ZNF569: variants seen among roughly 807,000 people sequenced by gnomAD.
The protein encoded by ZNF569 is zinc finger protein 569, also known as DNA-binding protein.
ZNF569 carries 38 observed loss-of-function variants against 56.3 expected under a neutral mutation model. That is an observed-to-expected ratio of 0.68 (90% CI 0.52 to 0.88). The LOEUF is 0.88. Among genes scored for constraint, ZNF569 ranks in the 40% least tolerant of loss-of-function variants. ZNF569 has a pLI of 0.00. For missense variants in ZNF569, 666 were observed against 809.2 expected (o/e 0.82, Z 2.15); for synonymous variants, 241 against 262.9 (o/e 0.92, Z 0.81).
chr19:37,467,847 T>G (rs562763187), upstream of ZNF569: 1 of 1,534,888 alleles, frequency 6.5e-7, no homozygotes, highest in South Asian at 1.2e-5. Flanking sequence ...CGTTTTATAT[T>G]CTCGTGGCTG....
chr19:37,457,787 G>GT (rs1385413553), intron 2 of ZNF569, among the ~76,000 whole-genome samples: 1 of 152,082 alleles, frequency 6.6e-6, no homozygotes, highest in Non-Finnish European at 1.5e-5. Context: ...GTATACATAT[G>GT]TAACAAACCT....
chr19:37,414,203 C>T lies in ZNF569; in HGVS notation c.455G>A (p.Cys152Tyr), dbSNP rs148474590. Residue 152 changes from cysteine to tyrosine, a missense_variant, in exon 6 of 6, where the codon TGT (cysteine) becomes TAT (tyrosine). Coordinates refer to ENST00000316950, the MANE Select transcript of ZNF569 (RefSeq NM_152484.3). ...FGKCLEHNFDCHNNVKCLMRK... is the reference protein window; with the variant it reads ...FGKCLEHNFDYHNNVKCLMRK... Reference sequence around the variant, plus strand: ...CATAAGGCATTTCACATTATTATGACAGTCAAAATTATGTTCTAAACACTT... The same window carrying T: ...CATAAGGCATTTCACATTATTATGATAGTCAAAATTATGTTCTAAACACTT... 4.3e-6 allele frequency: 7 copies of T among 1,612,972 alleles called. No homozygotes were observed. The highest frequency in any genetic ancestry group is 2.2e-5 in the East Asian group (1 of 44,820).
intron 2 of ZNF569, among the ~76,000 whole-genome samples, chr19:37,448,145 A>G (rs952622355): frequency 3.9e-5 from 6 of 152,210 alleles, no homozygotes; most frequent in Non-Finnish European, 5.9e-5. Context: ...AAGTTTGTAT[A>G]GAATCATTAG....
chr19:37,454,471 G>A (rs2041641562), intron 2 of ZNF569, among the ~76,000 whole-genome samples: 1 of 152,036 alleles, frequency 6.6e-6, no homozygotes, highest in African/African-American at 2.4e-5. Context: ...GCTAGTCCTA[G>A]AGCATATTCC....
At chr19:37,461,368 G>A (rs373119837) in intron 2 of ZNF569, among the ~76,000 whole-genome samples, 2 of 149,604 alleles carry the variant, frequency 1.3e-5, no homozygotes, top group African/African-American at 5.0e-5. Flanking sequence ...GTACAATGGC[G>A]TGATCTTGGC....
chr19:37,466,648 A>C (rs1413988901), intron 1 of ZNF569: 3 of 152,288 alleles, frequency 2.0e-5, no homozygotes, highest in Non-Finnish European at 2.9e-5. Context: ...AAAACAAAAA[A>C]ACAACGTATT....
chr19:37,426,075 CG>C, intron 4 of ZNF569, 112 bp from the exon 5 acceptor site: 1 of 1,346,692 alleles, frequency 7.4e-7, no homozygotes, highest in Non-Finnish European at 1.0e-6. Flanking sequence ...AATGTGGCTT[CG>C]GGGGTTCTGT....
Position 37,413,542 on chromosome 19 carries a change from A to G in ZNF569, c.1116T>C (p.His372=). The change falls in exon 6 of 6, where the codon CAT becomes CAC. Residue 372 remains histidine (H), a synonymous_variant. Coordinates refer to ENST00000316950, the MANE Select transcript of ZNF569 (RefSeq NM_152484.3). ...GTTTTTCACCTGTATGAATTCTAAC[A>G]TGTATAATAAGCATGGAAAACTGAG... The part of the protein sequence containing the change: ...AFSQFSMLII[H]VRIHTGEKPY... 1 of 1,613,034 alleles carries G rather than the reference A, an allele frequency of 6.2e-7. No individual in the cohort carries two copies. Among genetic ancestry groups the G allele is most frequent in the Non-Finnish European group, 8.5e-7 (1 of 1,179,626 alleles).
At chr19:37,418,806 C>G (rs1203641297) in intron 5 of ZNF569, among the ~76,000 whole-genome samples, 1 of 152,134 alleles carries the variant, frequency 6.6e-6, no homozygotes, top group Non-Finnish European at 1.5e-5. Flanking sequence ...ACTCTAGAGT[C>G]AGGGACACCA....
intron 2 of ZNF569, among the ~76,000 whole-genome samples, chr19:37,456,689 C>T (rs1461730653): frequency 1.3e-5 from 2 of 152,106 alleles, no homozygotes; most frequent in East Asian, 3.8e-4. Flanking sequence ...AAACTCGAGG[C>T]CAGGCACAGT....
At chr19:37,427,266 G>C (rs138935539) in intron 3 of ZNF569, among the ~76,000 whole-genome samples, 16 of 151,856 alleles carry the variant, frequency 1.1e-4, no homozygotes, top group African/African-American at 3.9e-4. Context: ...GCAGTGAGTC[G>C]TGATTGCACC....
At chr19:37,421,958 C>G (rs761942109) in intron 5 of ZNF569, among the ~76,000 whole-genome samples, 1 of 151,982 alleles carries the variant, frequency 6.6e-6, no homozygotes, top group East Asian at 1.9e-4. Flanking sequence ...CCATGTTGCC[C>G]AGTCTGGTCT....
chr19:37,412,511 T>C lies in ZNF569; in HGVS notation c.*86A>G. 1 of 1,437,740 alleles carries C rather than the reference T, an allele frequency of 7.0e-7. No homozygotes were observed. The highest frequency in any genetic ancestry group is 9.1e-7 in the Non-Finnish European group (1 of 1,095,960). 89.1% of individuals were successfully genotyped at this position (1,437,740 alleles called of 1,614,324 possible). On this transcript the variant is annotated 3_prime_UTR_variant, in exon 6 of 6. Coordinates refer to ENST00000316950, the MANE Select transcript of ZNF569 (RefSeq NM_152484.3). ...GAAGGCTATCCCACATTCATAGTTT[T>C]CTACTCTGGAAGTGATCATGTAATG... is the stretch of plus-strand genomic sequence containing the variant.
intron 5 of ZNF569, among the ~76,000 whole-genome samples, chr19:37,417,420 T>C (rs939342029): frequency 1.3e-5 from 2 of 151,990 alleles, no homozygotes; most frequent in Admixed American, 1.3e-4. Flanking sequence ...TTAATTTTTT[T>C]GTATTTTTAG....
intron 3 of ZNF569, among the ~76,000 whole-genome samples, chr19:37,442,177 A>G (rs2146933933): frequency 6.6e-6 from 1 of 152,346 alleles, no homozygotes; most frequent in East Asian, 1.9e-4. Context: ...AAAATGTGAT[A>G]TTGATAAGTT....
chr19:37,450,562 C>A (rs997449379), intron 2 of ZNF569, among the ~76,000 whole-genome samples: 14 of 152,010 alleles, frequency 9.2e-5, no homozygotes, highest in African/African-American at 3.4e-4. Context: ...GTTTAGCTAA[C>A]GGTTTGTCAG....
chr19:37,421,259 A>G (rs1455357350), intron 5 of ZNF569, among the ~76,000 whole-genome samples: 2 of 152,210 alleles, frequency 1.3e-5, no homozygotes, highest in Non-Finnish European at 2.9e-5. Context: ...GCATTAGCCC[A>G]TAACAGGAGG....
chr19:37,437,329 C>A (rs1012937038), intron 3 of ZNF569, among the ~76,000 whole-genome samples: 4 of 152,070 alleles, frequency 2.6e-5, no homozygotes, highest in Admixed American at 6.6e-5. Context: ...AAGGAACATA[C>A]CTCAATACAA....
At chr19:37,448,584 G>A (rs1173608632) in intron 2 of ZNF569, among the ~76,000 whole-genome samples, 1 of 93,262 alleles carries the variant, frequency 1.1e-5, no homozygotes, top group Non-Finnish European at 1.9e-5. Flanking sequence ...TTTTTTTTGA[G>A]ACGGAGTCTG....
Sources: gnomAD v4.1 joint callset for allele counts (sites outside exome capture counted in the v4.1 genomes callset) on GRCh38, gnomAD v4.1.1 for gene constraint, MANE v1.5 for transcripts, NCBI Gene and HGNC (gene_info 2026-07-23, HGNC 2026-07-21) for gene names.